SULF2: variants seen among roughly 807,000 people sequenced by gnomAD.
SULF2 encodes sulfatase 2.
In SULF2, 52 loss-of-function variants were observed where a neutral mutation model predicts 107.7. The ratio of observed to expected loss-of-function variants is 0.48; its 90% CI spans 0.39 to 0.61. The LOEUF (loss-of-function observed/expected upper bound fraction) is 0.61, where lower values mean the gene tolerates loss of function less well. Ranked by LOEUF, SULF2 falls within the 20% of genes least tolerant of loss-of-function variation. SULF2 has a pLI of 0.00. For synonymous variants in SULF2, 460 were observed against 464.3 expected (o/e 0.99, Z 0.12); for missense variants, 993 against 1,177.3 (o/e 0.84, Z 2.29).
upstream of SULF2, chr20:47,786,228 C>A: frequency 6.6e-6 from 1 of 152,238 alleles, no homozygotes; most frequent in East Asian, 1.9e-4. Flanking sequence ...TCAGGAGGGC[C>A]ATCGATCAGG....
chr20:47,701,605 C>T (rs1049739730), intron 4 of SULF2, among the ~76,000 whole-genome samples: 1 of 152,210 alleles, frequency 6.6e-6, no homozygotes, highest in African/African-American at 2.4e-5. Context: ...CCTCTATGCT[C>T]ACCAGGAGCT....
At chr20:47,739,586 T>A (rs1179960761) in intron 2 of SULF2, among the ~76,000 whole-genome samples, 1 of 152,122 alleles carries the variant, frequency 6.6e-6, no homozygotes, top group Non-Finnish European at 1.5e-5. Flanking sequence ...TGAAACCACC[T>A]CCCGCAACCC....
chr20:47,702,385 TG>T, intron 4 of SULF2, 133 bp downstream of exon 4: 1 of 937,918 alleles, frequency 1.1e-6, no homozygotes, highest in South Asian at 1.8e-5. Flanking sequence ...GAGGAGGAGG[TG>T]TATGTAAAAT....
At chr20:47,778,710 A>G (rs1348100136) in intron 1 of SULF2, among the ~76,000 whole-genome samples, 1 of 152,198 alleles carries the variant, frequency 6.6e-6, no homozygotes, top group East Asian at 1.9e-4. Flanking sequence ...TCACTGAGAA[A>G]CCAGGCGATG....
At chr20:47,742,067 C>T (rs1029102644) in intron 2 of SULF2, among the ~76,000 whole-genome samples, 1 of 152,230 alleles carries the variant, frequency 6.6e-6, no homozygotes, top group Non-Finnish European at 1.5e-5. Context: ...TAAAGGACAA[C>T]AGTGCCCCGG....
intron 7 of SULF2, among the ~76,000 whole-genome samples, chr20:47,682,096 G>A (rs1040375874): frequency 2.0e-5 from 3 of 152,252 alleles, no homozygotes; most frequent in Non-Finnish European, 4.4e-5. Flanking sequence ...AAGAGCCAAA[G>A]ACGGGCGTGA....
chr20:47,689,122 T>A (rs2088111322), intron 5 of SULF2, among the ~76,000 whole-genome samples: 1 of 152,140 alleles, frequency 6.6e-6, no homozygotes, highest in African/African-American at 2.4e-5. Flanking sequence ...TAGAGCTGGG[T>A]GACCTCAGGT....
At chr20:47,780,845 C>T (rs920999993) in intron 1 of SULF2, among the ~76,000 whole-genome samples, 12 of 152,208 alleles carry the variant, frequency 7.9e-5, no homozygotes, top group South Asian at 6.2e-4. Flanking sequence ...TGAGCCAGCA[C>T]GCCAGGCCTA....
chr20:47,754,184 A>C (rs1285106453), intron 2 of SULF2, among the ~76,000 whole-genome samples: 2 of 152,186 alleles, frequency 1.3e-5, no homozygotes, highest in African/African-American at 2.4e-5. Context: ...TGTATCTGGC[A>C]CCAGTCCTCC....
At chr20:47,772,252 G>A (rs969874576) in intron 1 of SULF2, among the ~76,000 whole-genome samples, 2 of 152,222 alleles carry the variant, frequency 1.3e-5, no homozygotes, top group Non-Finnish European at 2.9e-5. Flanking sequence ...GCGTGGGCAG[G>A]ATCATTCTTC....
In SULF2 at chr20:47,745,397, A is replaced by T. The variant is rs1344076360; in HGVS notation, c.176-8455T>A. On this transcript the variant is annotated intron_variant, in intron 2 of 20. Coordinates refer to ENST00000688720, the MANE Select transcript of SULF2 (RefSeq NM_001387048.1). The stretch of plus-strand genomic sequence containing the variant: ...AGTTTTGAGGGAAAAAAAAAAAAAA[A>T]AAAAAAAAAAAAAATATATATATAT... 2.5e-3 allele frequency among the ~76,000 whole-genome samples: 83 copies of T among 33,844 alleles called. 3 individuals are homozygous for T. Among genetic ancestry groups the T allele is most frequent in the African/African-American group, 0.021 (82 of 3,850 alleles). The allele number at this position is 33,844 out of a possible 152,430, so 22.2% of individuals were successfully genotyped here.
intron 3 of SULF2, among the ~76,000 whole-genome samples, chr20:47,715,137 GC>G (rs2089073753): frequency 8.7e-6 from 1 of 114,828 alleles, no homozygotes; most frequent in African/African-American, 3.5e-5. Context: ...TCATTATGTT[GC>G]CCAGGCTGGT....
chr20:47,686,360 C>G (rs2088004279), intron 5 of SULF2: 1 of 152,260 alleles, frequency 6.6e-6, no homozygotes, highest in Non-Finnish European at 1.5e-5. Context: ...GCCCCTGGCT[C>G]CGAGCTACTG....
At chr20:47,721,994 G>T (rs1218163458) in intron 3 of SULF2, among the ~76,000 whole-genome samples, 1 of 152,134 alleles carries the variant, frequency 6.6e-6, no homozygotes, top group Admixed American at 6.5e-5. Context: ...TTCAGCTGGG[G>T]TCACCACACT....
At chr20:47,737,206 TGTAA>T (rs1319330080) in intron 2 of SULF2, among the ~76,000 whole-genome samples, 2 of 152,188 alleles carry the variant, frequency 1.3e-5, no homozygotes, top group Non-Finnish European at 2.9e-5. Context: ...GGTGAGTGAC[TGTAA>T]GTGACTGTAC....
intron 2 of SULF2, among the ~76,000 whole-genome samples, chr20:47,750,847 G>A (rs892576193): frequency 6.6e-6 from 1 of 152,166 alleles, no homozygotes; most frequent in East Asian, 1.9e-4. Context: ...AGCACACACC[G>A]TTCCCTCTGC....
intron 7 of SULF2, among the ~76,000 whole-genome samples, chr20:47,682,123 G>C (rs539418878): frequency 7.9e-5 from 12 of 152,040 alleles, no homozygotes; most frequent in Non-Finnish European, 1.5e-4. Context: ...AAGGTCAACA[G>C]TCAGTCATCA....
intron 4 of SULF2, among the ~76,000 whole-genome samples, chr20:47,693,145 G>A (rs2146551226): frequency 6.6e-6 from 1 of 152,334 alleles, no homozygotes; most frequent in East Asian, 1.9e-4. Context: ...AATAATATAT[G>A]TTATATAAAT....
At chr20:47,735,729 C>T (rs975730636) in intron 3 of SULF2, among the ~76,000 whole-genome samples, 1 of 152,204 alleles carries the variant, frequency 6.6e-6, no homozygotes, top group Admixed American at 6.5e-5. Context: ...TGGGATGAGG[C>T]TGTAAGAAGA....
Sources: allele counts gnomAD v4.1 joint callset (sites outside exome capture counted in the v4.1 genomes callset), GRCh38; gene constraint gnomAD v4.1.1; transcripts MANE v1.5; gene names NCBI Gene and HGNC (gene_info 2026-07-23, HGNC 2026-07-21).